NBEA: variants seen among roughly 807,000 people sequenced by gnomAD.
NBEA encodes lysosomal-trafficking regulator 2.
In NBEA, 44 loss-of-function variants were observed where a neutral mutation model predicts 343.4. That is an observed-to-expected ratio of 0.13 (90% CI 0.10 to 0.16). NBEA has a LOEUF of 0.16. NBEA is among the 10% of genes least tolerant of loss of function. NBEA has a pLI of 1.00. For synonymous variants in NBEA, 1,175 were observed against 1,238.7 expected, an observed-to-expected ratio of 0.95 and a Z score of 1.08; for missense variants, 2,555 against 3,631.3, an observed-to-expected ratio of 0.70 and a Z score of 7.62.
intron 38 of NBEA, among the ~76,000 whole-genome samples, chr13:35,426,854 C>A (rs2044712012): frequency 6.6e-6 from 1 of 152,080 alleles, no homozygotes; most frequent in Non-Finnish European, 1.5e-5. Flanking sequence ...TCTTTTTATT[C>A]TTTTTTCTCT....
chr13:35,087,086 T>G (rs2064811469), intron 10 of NBEA, among the ~76,000 whole-genome samples: 1 of 151,842 alleles, frequency 6.6e-6, no homozygotes, highest in Non-Finnish European at 1.5e-5. Flanking sequence ...TTTTCTCCAG[T>G]TCAAACACAA....
Position 35,017,801 on chromosome 13 carries a change from T to A in NBEA, c.295-23132T>A, listed in dbSNP as rs954016456. 2.6e-5 allele frequency among the ~76,000 whole-genome samples: 4 copies of A among 152,138 alleles called. No homozygotes were observed. The East Asian group carries it at 5.8e-4, about 22-fold the overall frequency. On this transcript the variant is annotated intron_variant, in intron 1 of 58. Coordinates refer to ENST00000379939, the MANE Select transcript of NBEA (RefSeq NM_001385012.1). ...ATTAATTCTGTACAAGTCTAATTTA[T>A]TGATGTTTTTTCTTGTCCTTTTGTG... is the stretch of plus-strand genomic sequence containing the variant.
intron 38 of NBEA, among the ~76,000 whole-genome samples, chr13:35,369,029 G>A (rs1281066292): frequency 1.3e-5 from 2 of 151,530 alleles, no homozygotes; most frequent in African/African-American, 2.4e-5. Flanking sequence ...GCATTTTCTT[G>A]TAGTCATTTT....
At chr13:35,433,289 C>T (rs992585327) in intron 39 of NBEA, among the ~76,000 whole-genome samples, 4 of 152,204 alleles carry the variant, frequency 2.6e-5, no homozygotes, top group African/African-American at 7.2e-5. Flanking sequence ...TTACAAACCA[C>T]ATTCACTAAG....
chr13:35,062,685 A>C (rs1359995149), intron 8 of NBEA, among the ~76,000 whole-genome samples: 1 of 151,882 alleles, frequency 6.6e-6, no homozygotes, highest in African/African-American at 2.4e-5. Context: ...GTGGAACAAA[A>C]TCCTTAAAGT....
chr13:35,016,747 A>G (rs948317041), intron 1 of NBEA, among the ~76,000 whole-genome samples: 4 of 152,214 alleles, frequency 2.6e-5, no homozygotes, highest in Non-Finnish European at 5.9e-5. Context: ...TAGGTAGTGT[A>G]GTCAGTGAAT....
chr13:35,421,765 T>A (rs975294140), intron 38 of NBEA, among the ~76,000 whole-genome samples: 1 of 152,166 alleles, frequency 6.6e-6, no homozygotes, highest in Non-Finnish European at 1.5e-5. Flanking sequence ...TTGTTATTTC[T>A]GGAGGTCTCA....
intron 34 of NBEA, among the ~76,000 whole-genome samples, chr13:35,235,161 G>A (rs2075165795): frequency 6.6e-6 from 1 of 152,274 alleles, no homozygotes; most frequent in Non-Finnish European, 1.5e-5. Flanking sequence ...TAGGTTATCA[G>A]TTGGTCCTTC....
chr13:35,230,087 T>G (rs1165444042), intron 33 of NBEA, among the ~76,000 whole-genome samples: 1 of 152,140 alleles, frequency 6.6e-6, no homozygotes, highest in African/African-American at 2.4e-5. Flanking sequence ...GAGCAACATT[T>G]ACTATTCTAA....
At chr13:35,527,074 C>T (rs1417059368) in intron 41 of NBEA, among the ~76,000 whole-genome samples, 1 of 152,066 alleles carries the variant, frequency 6.6e-6, no homozygotes, top group Non-Finnish European at 1.5e-5. Context: ...ACATGGCAAG[C>T]AGGGGCCATG....
intron 38 of NBEA, among the ~76,000 whole-genome samples, chr13:35,392,894 AG>A (rs2042572669): frequency 1.3e-5 from 2 of 152,216 alleles, no homozygotes; most frequent in South Asian, 4.1e-4. Flanking sequence ...TTCAAAAGGA[AG>A]GTCCAAATAG....
intron 1 of NBEA, among the ~76,000 whole-genome samples, chr13:34,988,022 C>T (rs1457807859): frequency 2.6e-5 from 4 of 151,156 alleles, no homozygotes; most frequent in Non-Finnish European, 5.9e-5. Flanking sequence ...ATTCTCCATG[C>T]AGCTTTGTTC....
intron 36 of NBEA, among the ~76,000 whole-genome samples, chr13:35,346,993 T>C (rs186923243): frequency 1.3e-5 from 2 of 152,244 alleles, no homozygotes; most frequent in Admixed American, 6.5e-5. Context: ...TGGGAAGATA[T>C]TAAAACTTCA....
intron 41 of NBEA, among the ~76,000 whole-genome samples, chr13:35,495,310 A>G (rs2076638894): frequency 6.6e-6 from 1 of 152,050 alleles, no homozygotes; most frequent in Non-Finnish European, 1.5e-5. Flanking sequence ...AGATTAGCTT[A>G]TAGGGGAGTT....
intron 13 of NBEA, among the ~76,000 whole-genome samples, chr13:35,115,021 T>A (rs1348504535): frequency 6.6e-6 from 1 of 152,120 alleles, no homozygotes; most frequent in Admixed American, 6.6e-5. Context: ...AACTTAACAC[T>A]TTTGTCTCTT....
intron 38 of NBEA, among the ~76,000 whole-genome samples, chr13:35,401,387 G>C (rs1315191319): frequency 6.6e-6 from 1 of 151,970 alleles, no homozygotes; most frequent in Non-Finnish European, 1.5e-5. Flanking sequence ...ACATTACAAA[G>C]TATAAATCAA....
intron 36 of NBEA, among the ~76,000 whole-genome samples, chr13:35,310,939 GTATTA>G (rs1333280341): frequency 6.6e-6 from 1 of 151,966 alleles, no homozygotes; most frequent in East Asian, 1.9e-4. Context: ...TTTTATCACT[GTATTA>G]TATTTTGAGA....
intron 10 of NBEA, among the ~76,000 whole-genome samples, chr13:35,074,145 A>G (rs917802267): frequency 6.6e-6 from 1 of 152,150 alleles, no homozygotes; most frequent in Non-Finnish European, 1.5e-5. Flanking sequence ...TGTGTATGTG[A>G]TTAATTTTTT....
intron 34 of NBEA, among the ~76,000 whole-genome samples, chr13:35,242,703 C>T (rs2030524402): frequency 6.6e-6 from 1 of 151,718 alleles, no homozygotes; most frequent in African/African-American, 2.4e-5. Flanking sequence ...CAGTAGAATC[C>T]ATGCATGCTG....
Sources: gnomAD v4.1 joint callset for allele counts (sites outside exome capture counted in the v4.1 genomes callset) on GRCh38, gnomAD v4.1.1 for gene constraint, MANE v1.5 for transcripts, NCBI Gene and HGNC (gene_info 2026-07-23, HGNC 2026-07-21) for gene names.